The following ENO1 variants were observed in gnomAD, a reference collection of about 807,000 sequenced individuals.
ENO1 encodes the protein enolase 1.
Under a neutral mutation model 46.3 loss-of-function variants are expected in ENO1, and 33 were observed. That is an observed-to-expected ratio of 0.71 (90% CI 0.54 to 0.95). The LOEUF (loss-of-function observed/expected upper bound fraction) is 0.95. ENO1 is among the 40% of genes least tolerant of loss of function. The probability of loss-of-function intolerance (pLI) is 0.00; values close to 1 mark genes in which losing one functional copy is unlikely to be tolerated. For synonymous variants in ENO1, 220 were observed against 216.0 expected (o/e 1.02, Z -0.16); for missense variants, 488 against 553.3 (o/e 0.88, Z 1.18).
intron 4 of ENO1, among the ~76,000 whole-genome samples, chr1:8,868,611 C>T (rs1400443327): frequency 6.6e-6 from 1 of 152,182 alleles, no homozygotes; most frequent in Non-Finnish European, 1.5e-5. Context: ...TTTGATGAGA[C>T]TATAAAGTAA....
At position 8,872,298 on chromosome 1, in the gene ENO1, C is replaced by T. The variant is rs370252792; in HGVS notation, c.86-312G>A. Among the ~76,000 whole-genome samples, 5 of 152,312 alleles carry T rather than the reference C, an allele frequency of 3.3e-5. No homozygotes were observed. The East Asian group carries it at 7.7e-4, about 23-fold the overall frequency. The stretch of plus-strand genomic sequence containing the variant: ...CAGGCAAATATGCATCCCTCACAAG[C>T]TCGCATTGGTGCCCTGTGGATTACT... On this transcript the variant is annotated intron_variant, in intron 2 of 11. Transcript: ENST00000234590.
At position 8,866,282 on chromosome 1, in the gene ENO1, CTT is replaced by C. The variant is rs1642513215; in HGVS notation, c.662_663del (p.Lys221ArgfsTer17). On this transcript the variant is annotated frameshift_variant, in exon 7 of 12. Transcript: ENST00000234590. LOFTEE classifies it high-confidence loss of function. ...GGFAPNILEN[K>X]EGLELLKTAI... ...GGCGGTTCCCTAGCGCCTTTACCTT[CTT>C]TATTCTCCAGGATGTTGGGAGCAAA... 6.2e-7 allele frequency: 1 copy of C among 1,613,958 alleles called. No homozygotes were observed. Among genetic ancestry groups the C allele is most frequent in the Non-Finnish European group, 8.5e-7 (1 of 1,180,030 alleles).
chr1:8,870,058 G>T (rs1357712073), intron 4 of ENO1: 3 of 180,224 alleles, frequency 1.7e-5, no homozygotes, highest in Non-Finnish European at 3.5e-5. Flanking sequence ...TACTTAACAG[G>T]AACTCCACTG....
Position 8,865,298 on chromosome 1 carries a change from G to A in ENO1, c.852C>T (p.Ile284=). 6.2e-7 allele frequency: 1 copy of A among 1,614,130 alleles called. No individual in the cohort carries two copies. The highest frequency in any genetic ancestry group is 8.5e-7 in the Non-Finnish European group (1 of 1,180,012). Residue 284 remains isoleucine (I), a synonymous_variant, in exon 8 of 12, where the codon ATC becomes ATT. Transcript: ENST00000234590. ...GGGAACACTCACCTGGGTAGTCCTT[G>A]ATGAAGGACTTGTACAGGTCAGCCA... ...DQLADLYKSF[I]KDYPVVSIED...
At chr1:8,871,861 A>C in intron 3 of ENO1, 30 bp downstream of exon 3, 2 of 1,605,342 alleles carry the variant, frequency 1.2e-6, no homozygotes, top group Non-Finnish European at 8.5e-7. Context: ...GGAAGCAGGG[A>C]GGCCATGGGC....
chr1:8,868,592 A>G (rs372498037), intron 4 of ENO1, among the ~76,000 whole-genome samples: 2 of 152,270 alleles, frequency 1.3e-5, no homozygotes, highest in African/African-American at 4.8e-5. Flanking sequence ...TGATGGATCA[A>G]AATGAATTTT....
At chr1:8,872,107 T>C (rs751288564) in intron 2 of ENO1, 121 bp from the exon 3 acceptor site, 12 of 776,570 alleles carry the variant, frequency 1.5e-5, no homozygotes, top group Non-Finnish European at 2.4e-5. Context: ...TCCTACCAGC[T>C]GTGTGAATTA....
chr1:8,870,951 CG>C (rs1642619881), intron 3 of ENO1: 1 of 1,247,200 alleles, frequency 8.0e-7, no homozygotes, highest in Admixed American at 3.8e-5. Context: ...TTAAGGACTG[CG>C]AGTGAGAGAC....
At chr1:8,870,580 G>T in intron 3 of ENO1, 70 bp from the exon 4 acceptor site, 1 of 1,606,722 alleles carries the variant, frequency 6.2e-7, no homozygotes. Context: ...TTGTTAGAGA[G>T]AACCACTGTT....
chr1:8,862,033 A>C (rs1449208590), intron 11 of ENO1, among the ~76,000 whole-genome samples: 1 of 152,128 alleles, frequency 6.6e-6, no homozygotes, highest in African/African-American at 2.4e-5. Context: ...CTGTAATCCC[A>C]GCTACTCGGG....
intron 1 of ENO1, among the ~76,000 whole-genome samples, chr1:8,876,972 C>T (rs926638855): frequency 6.6e-6 from 1 of 151,454 alleles, no homozygotes; most frequent in Non-Finnish European, 1.5e-5. Context: ...ATTACAGGCG[C>T]CTGCCATTAC....
intron 8 of ENO1, among the ~76,000 whole-genome samples, chr1:8,865,048 CTTA>C (rs1642481047): frequency 6.6e-6 from 1 of 152,216 alleles, no homozygotes; most frequent in Admixed American, 6.5e-5. Context: ...CTGTGAACAA[CTTA>C]TTATGCAATG....
At chr1:8,867,904 C>A in intron 5 of ENO1, 84 bp downstream of exon 5, 1 of 1,216,606 alleles carries the variant, frequency 8.2e-7, no homozygotes, top group South Asian at 1.3e-5. Flanking sequence ...TCACTAAGAT[C>A]ATGGGCCTCT....
At chr1:8,873,279 A>G (rs554793514) in intron 2 of ENO1, among the ~76,000 whole-genome samples, 45 of 152,194 alleles carry the variant, frequency 3.0e-4, no homozygotes, top group African/African-American at 1.1e-3. Flanking sequence ...GGGTTTATGT[A>G]CCTCTGCACC....
In ENO1 at chr1:8,871,953, G is replaced by C; in HGVS notation, c.119C>G (p.Ser40Ter). The change falls in exon 3 of 12, where the codon TCA becomes TGA. Residue 40 changes from serine (S) to a stop codon, truncating the protein, a stop_gained. Transcript: ENST00000234590. LOFTEE classifies it high-confidence loss of function. ...LFRAAVPSGA[S>*]TGIYEALELR... ...CTCTAGGGCCTCATAGATACCAGTTGAAGCACCACTGGGCACAGCAGCTCT... is the reference window on the plus strand; with the variant it reads ...CTCTAGGGCCTCATAGATACCAGTTCAAGCACCACTGGGCACAGCAGCTCT... 1 of 1,614,152 alleles carries C rather than the reference G, an allele frequency of 6.2e-7. No homozygotes were observed. The highest frequency in any genetic ancestry group is 8.5e-7 in the Non-Finnish European group (1 of 1,180,024).
intron 1 of ENO1, 29 bp from the exon 2 acceptor site, chr1:8,874,946 T>C: frequency 2.5e-6 from 4 of 1,577,608 alleles, no homozygotes; most frequent in Non-Finnish European, 3.5e-6. Context: ...GTTCATGTTT[T>C]CCATAAGCCA....
chr1:8,868,132 C>G (rs1642562356), intron 4 of ENO1, 75 bp from the exon 5 acceptor site: 1 of 1,111,726 alleles, frequency 9.0e-7, no homozygotes, highest in South Asian at 1.3e-5. Flanking sequence ...ACCATGGAAT[C>G]TGACTTTGGA....
chr1:8,861,465 A>G, intron 11 of ENO1, 36 bp from the exon 12 acceptor site: 1 of 1,611,912 alleles, frequency 6.2e-7, no homozygotes, highest in Non-Finnish European at 8.5e-7. Flanking sequence ...TGGGGAGGAA[A>G]AAAGAAAAGT....
At chr1:8,866,726 C>CA in intron 6 of ENO1, 1 of 600,184 alleles carries the variant, frequency 1.7e-6, no homozygotes, top group Admixed American at 3.0e-5. Context: ...AGGCTGGTCT[C>CA]AAACTCTTGG....
Sources: gnomAD v4.1 joint callset for allele counts (sites outside exome capture counted in the v4.1 genomes callset) on GRCh38, gnomAD v4.1.1 for gene constraint, MANE v1.5 for transcripts, NCBI Gene and HGNC (gene_info 2026-07-23, HGNC 2026-07-21) for gene names.